OR5D16: variants seen among roughly 807,000 people sequenced by gnomAD.
OR5D16 encodes the protein olfactory receptor 5D16.
For missense variants in OR5D16, 477 were observed against 385.5 expected (o/e 1.24, Z -1.99); for synonymous variants, 185 against 153.2 (o/e 1.21, Z -1.53).
In OR5D16 at chr11:55,838,775, G is replaced by A. The variant is rs755941347; in HGVS notation, c.24G>A (p.Thr8=). Residue 8 remains threonine (T), a synonymous_variant, in exon 1 of 1, where the codon ACG becomes ACA. Transcript: ENST00000378396. MFLTERN[T]TSEATFTLLG... ...ACATGTTTCTGACAGAGAGAAATAC[G>A]ACATCTGAGGCCACATTCACTCTCT... is the stretch of plus-strand genomic sequence containing the variant. The A allele has an allele frequency of 6.2e-6, 10 of 1,609,856 alleles. No individual in the cohort carries two copies. The highest frequency in any genetic ancestry group is 1.7e-4 in the Middle Eastern group (1 of 6,018).
chr11:55,838,794 A>C lies in OR5D16; in HGVS notation c.43A>C (p.Thr15Pro), dbSNP rs368957685. The C allele has an allele frequency of 6.2e-7, 1 of 1,612,820 alleles. No homozygotes were observed. The highest frequency in any genetic ancestry group is 8.5e-7 in the Non-Finnish European group (1 of 1,179,566). The change falls in exon 1 of 1, where the codon ACT (threonine) becomes CCT (proline). Residue 15 changes from threonine to proline, a missense_variant. Transcript: ENST00000378396. Reference protein sequence around the residue: ...ERNTTSEATFTLLGFSDYLEL... With the variant: ...ERNTTSEATFPLLGFSDYLEL... ...AAATACGACATCTGAGGCCACATTCACTCTCTTGGGCTTCTCAGATTACCT... is the reference window on the plus strand; with the variant it reads ...AAATACGACATCTGAGGCCACATTCCCTCTCTTGGGCTTCTCAGATTACCT...
In OR5D16 at chr11:55,838,802, G is replaced by A; in HGVS notation, c.51G>A (p.Leu17=). ...CATCTGAGGCCACATTCACTCTCTT[G>A]GGCTTCTCAGATTACCTGGAACTGC... ...NTTSEATFTL[L]GFSDYLELQI... Residue 17 remains leucine, a synonymous_variant, in exon 1 of 1, where the codon TTG becomes TTA. Coordinates refer to ENST00000378396, the MANE Select transcript of OR5D16 (RefSeq NM_001005496.1). 1 of 1,613,552 alleles carries A rather than the reference G, an allele frequency of 6.2e-7. No individual in the cohort carries two copies. The highest frequency in any genetic ancestry group is 8.5e-7 in the Non-Finnish European group (1 of 1,179,576).
chr11:55,839,312 A>T lies in OR5D16; in HGVS notation c.561A>T (p.Ile187=), dbSNP rs1029446616. 6.2e-7 allele frequency: 1 copy of T among 1,613,852 alleles called. No individual in the cohort carries two copies. The highest frequency in any genetic ancestry group is 1.7e-5 in the Admixed American group (1 of 59,986). Residue 187 remains isoleucine (I), a synonymous_variant, in exon 1 of 1, where the codon ATA becomes ATT. Transcript: ENST00000378396. The part of the protein sequence containing the change: ...NHFFCELSSL[I]SLSYPDSYLS... ...TCTTCTGTGAGTTATCCTCCCTGAT[A>T]TCACTCTCTTACCCTGACTCTTATC...
rs764756860 is a variant in OR5D16, at chr11:55,839,390, A to G, written c.639A>G (p.Leu213=). The change falls in exon 1 of 1, where the codon CTA becomes CTG. Residue 213 remains leucine, a synonymous_variant. Coordinates refer to ENST00000378396, the MANE Select transcript of OR5D16 (RefSeq NM_001005496.1). ...TVATFNEIST[L]LIILTSYAFI... is the part of the protein sequence containing the mutation. Reference sequence around the variant, plus strand: ...CCACTTTTAATGAGATAAGCACACTACTCATCATTCTGACATCTTATGCAT... The same window carrying G: ...CCACTTTTAATGAGATAAGCACACTGCTCATCATTCTGACATCTTATGCAT... 9 of 1,613,802 alleles carry G rather than the reference A, an allele frequency of 5.6e-6. No homozygotes were observed. In the African/African-American group the frequency reaches 1.1e-4, roughly 19 times the overall value.
chr11:55,839,706 T>A lies in OR5D16; in HGVS notation c.955T>A (p.Trp319Arg), dbSNP rs1348698352. Residue 319 changes from tryptophan (W) to arginine (R), a missense_variant, in exon 1 of 1, where the codon TGG (tryptophan) becomes AGG (arginine). By Grantham distance (101) the Trp-to-Arg change is moderately radical (BLOSUM62 -3). Transcript: ENST00000378396. The stretch of plus-strand genomic sequence containing the variant: ...ATATTTTCATATTAAACATAGGCAT[T>A]GGTATCCATTTAATTTTGTTATTGA... ...TKYFHIKHRHWYPFNFVIEQ is the reference protein window; with the variant it reads ...TKYFHIKHRHRYPFNFVIEQ The A allele has an allele frequency of 1.1e-5, 17 of 1,591,248 alleles. No individual in the cohort carries two copies. The highest frequency in any genetic ancestry group is 1.5e-5 in the Non-Finnish European group (17 of 1,162,166).
rs1466803973 is a variant in OR5D16, at chr11:55,839,520, A to C, written c.769A>C (p.Ile257Leu). 1 of 1,613,910 alleles carries C rather than the reference A, an allele frequency of 6.2e-7. No individual in the cohort carries two copies. Among genetic ancestry groups the C allele is most frequent in the Non-Finnish European group, 8.5e-7 (1 of 1,179,980 alleles). Residue 257 changes from isoleucine (I) to leucine (L), a missense_variant, in exon 1 of 1, where the codon ATC (isoleucine) becomes CTC (leucine). Ile to Leu is a conservative substitution (Grantham distance 5). Coordinates refer to ENST00000378396, the MANE Select transcript of OR5D16 (RefSeq NM_001005496.1). ...TGCCATCACCATCTTCCATGGCACC[A>C]TCCTCTTCCTCTACTGTGTACCCAA... ...LTAITIFHGTILFLYCVPNSK... is the reference protein window; with the variant it reads ...LTAITIFHGTLLFLYCVPNSK...
In OR5D16 at chr11:55,839,058, T is replaced by C; in HGVS notation, c.307T>C (p.Phe103Leu). The change falls in exon 1 of 1, where the codon TTC becomes CTC. Residue 103 changes from phenylalanine (F) to leucine (L), a missense_variant. Coordinates refer to ENST00000378396, the MANE Select transcript of OR5D16 (RefSeq NM_001005496.1). Reference sequence around the variant, plus strand: ...TTCATTCTCAGGATGTTTGGTGCAATTCTTTTTCTTTTGCACCTTTGTAGT... The same window carrying C: ...TTCATTCTCAGGATGTTTGGTGCAACTCTTTTTCTTTTGCACCTTTGTAGT... ...TISFSGCLVQ[F>L]FFFCTFVVTE... 5 of 1,614,006 alleles carry C rather than the reference T, an allele frequency of 3.1e-6. No individual in the cohort carries two copies. The highest frequency in any genetic ancestry group is 3.4e-6 in the Non-Finnish European group (4 of 1,179,916).
rs1854057446 is a variant in OR5D16 at position 55,839,264 on chromosome 11, T to C, written c.513T>C (p.His171=). 6.2e-7 allele frequency: 1 copy of C among 1,614,036 alleles called. No individual in the cohort carries two copies. The highest frequency in any genetic ancestry group is 8.5e-7 in the Non-Finnish European group (1 of 1,179,974). The part of the protein sequence containing the change: ...LACSALKLSF[H]GFNTINHFFC... ...GCTCTGCTTTAAAGTTATCTTTTCA[T>C]GGTTTCAACACAATCAATCATTTCT... Residue 171 remains histidine, a synonymous_variant, in exon 1 of 1, where the codon CAT becomes CAC. Transcript: ENST00000378396.
rs756913651 is a variant in OR5D16 at position 55,839,228 on chromosome 11, G to T, written c.477G>T (p.Leu159=). ...ATGCATGGGGAGTCGCATGTTCCCT[G>T]ACACTCGCGTGCTCTGCTTTAAAGT... ...VLYAWGVACS[L]TLACSALKLS... Residue 159 remains leucine, a synonymous_variant, in exon 1 of 1, where the codon CTG becomes CTT. Transcript: ENST00000378396. 1.2e-6 allele frequency: 2 copies of T among 1,613,946 alleles called. No homozygotes were observed. Among genetic ancestry groups the T allele is most frequent in the Admixed American group, 1.7e-5 (1 of 59,968 alleles).
Position 55,839,513 on chromosome 11 carries a change from T to C in OR5D16, c.762T>C (p.His254=), listed in dbSNP as rs1330338684. Residue 254 remains histidine, a synonymous_variant, in exon 1 of 1, where the codon CAT becomes CAC. Transcript: ENST00000378396. ...ACCTGACTGCCATCACCATCTTCCA[T>C]GGCACCATCCTCTTCCTCTACTGTG... ...ASHLTAITIF[H]GTILFLYCVP... is the part of the protein sequence containing the mutation. 2 of 1,613,944 alleles carry C rather than the reference T, an allele frequency of 1.2e-6. No homozygotes were observed. Among genetic ancestry groups the C allele is most frequent in the Admixed American group, 3.3e-5 (2 of 59,964 alleles).
Position 55,839,494 on chromosome 11 carries a change from C to T in OR5D16, c.743C>T (p.Thr248Ile). ...TTCTCCACCTGTGCCTCCCACCTGACTGCCATCACCATCTTCCATGGCACC... is the reference window on the plus strand; with the variant it reads ...TTCTCCACCTGTGCCTCCCACCTGATTGCCATCACCATCTTCCATGGCACC... ...KVFSTCASHL[T>I]AITIFHGTIL... Residue 248 changes from threonine to isoleucine, a missense_variant, in exon 1 of 1, where the codon ACT (threonine) becomes ATT (isoleucine). Coordinates refer to ENST00000378396, the MANE Select transcript of OR5D16 (RefSeq NM_001005496.1). 2 of 1,614,080 alleles carry T rather than the reference C, an allele frequency of 1.2e-6. No individual in the cohort carries two copies. Among genetic ancestry groups the T allele is most frequent in the South Asian group, 2.2e-5 (2 of 91,086 alleles).
At position 55,839,308 on chromosome 11, in the gene OR5D16, T is replaced by A; in HGVS notation, c.557T>A (p.Leu186Gln). 1 of 1,613,652 alleles carries A rather than the reference T, an allele frequency of 6.2e-7. No homozygotes were observed. Among genetic ancestry groups the A allele is most frequent in the Non-Finnish European group, 8.5e-7 (1 of 1,179,608 alleles). Residue 186 changes from leucine (L) to glutamine (Q), a missense_variant, in exon 1 of 1, where the codon CTG (leucine) becomes CAG (glutamine). By Grantham distance (113) the Leu-to-Gln change is moderately radical. Transcript: ENST00000378396. ...INHFFCELSS[L>Q]ISLSYPDSYL... ...CATTTCTTCTGTGAGTTATCCTCCCTGATATCACTCTCTTACCCTGACTCT... is the reference window on the plus strand; with the variant it reads ...CATTTCTTCTGTGAGTTATCCTCCCAGATATCACTCTCTTACCCTGACTCT...
In OR5D16 at chr11:55,839,454, G is replaced by A. The variant is rs1854064131; in HGVS notation, c.703G>A (p.Gly235Arg). Reference sequence around the variant, plus strand: ...CACCTTGAAGATGCCTTCAGCCAGTGGGCACCGCAAAGTCTTCTCCACCTG... The same window carrying A: ...CACCTTGAAGATGCCTTCAGCCAGTAGGCACCGCAAAGTCTTCTCCACCTG... ...VTTLKMPSAS[G>R]HRKVFSTCAS... The change falls in exon 1 of 1, where the codon GGG becomes AGG. Residue 235 changes from glycine (G) to arginine (R), a missense_variant. By Grantham distance (125) the Gly-to-Arg change is moderately radical. Transcript: ENST00000378396. The A allele has an allele frequency of 1.9e-6, 3 of 1,613,956 alleles. No homozygotes were observed. Among genetic ancestry groups the A allele is most frequent in the Non-Finnish European group, 2.5e-6 (3 of 1,179,958 alleles).
Position 55,838,936 on chromosome 11 carries a change from A to G in OR5D16, c.185A>G (p.Tyr62Cys), listed in dbSNP as rs1565126282. 2 of 1,613,752 alleles carry G rather than the reference A, an allele frequency of 1.2e-6. No homozygotes were observed. The highest frequency in any genetic ancestry group is 1.6e-4 in the Middle Eastern group (1 of 6,062). ...AACCCAAAATTGCATACCCCCATGTATTTTTTCCTCAACCACCTCTCCTTT... is the reference window on the plus strand; with the variant it reads ...AACCCAAAATTGCATACCCCCATGTGTTTTTTCCTCAACCACCTCTCCTTT... ...KINPKLHTPM[Y>C]FFLNHLSFVD... Residue 62 changes from tyrosine to cysteine, a missense_variant, in exon 1 of 1, where the codon TAT becomes TGT. Physicochemically the swap from Tyr to Cys is radical, Grantham distance 194 (BLOSUM62 -2). Coordinates refer to ENST00000378396, the MANE Select transcript of OR5D16 (RefSeq NM_001005496.1).
rs754347100 is a variant in OR5D16 at position 55,839,473 on chromosome 11, C to G, written c.722C>G (p.Ser241Cys). 59 of 1,613,922 alleles carry G rather than the reference C, an allele frequency of 3.7e-5. No individual in the cohort carries two copies. In the South Asian group the frequency reaches 5.9e-4, roughly 16 times the overall value. The change falls in exon 1 of 1, where the codon TCC (serine) becomes TGC (cysteine). Residue 241 changes from serine to cysteine, a missense_variant. Transcript: ENST00000378396. ...PSASGHRKVF[S>C]TCASHLTAIT... ...GCCAGTGGGCACCGCAAAGTCTTCT[C>G]CACCTGTGCCTCCCACCTGACTGCC...
Position 55,839,471 on chromosome 11 carries a change from C to T in OR5D16, c.720C>T (p.Phe240=), listed in dbSNP as rs1854064894. Residue 240 remains phenylalanine (F), a synonymous_variant, in exon 1 of 1, where the codon TTC becomes TTT. Transcript: ENST00000378396. The part of the protein sequence containing the change: ...MPSASGHRKV[F]STCASHLTAI... Reference sequence around the variant, plus strand: ...CAGCCAGTGGGCACCGCAAAGTCTTCTCCACCTGTGCCTCCCACCTGACTG... The same window carrying T: ...CAGCCAGTGGGCACCGCAAAGTCTTTTCCACCTGTGCCTCCCACCTGACTG... 1.9e-6 allele frequency: 3 copies of T among 1,614,084 alleles called. No individual in the cohort carries two copies. Among genetic ancestry groups the T allele is most frequent in the Non-Finnish European group, 1.7e-6 (2 of 1,179,986 alleles).
Position 55,839,165 on chromosome 11 carries a change from C to G in OR5D16, c.414C>G (p.Ile138Met), listed in dbSNP as rs747455484. 12 of 1,614,068 alleles carry G rather than the reference C, an allele frequency of 7.4e-6. 1 individual carries two copies. The South Asian group carries it at 1.2e-4, about 16-fold the overall frequency. ...ATCCTCTGCTCTACACAGTTGCCAT[C>G]TCCCAGAAACTCTGTGCCATGCTGG... ...ICNPLLYTVA[I>M]SQKLCAMLVV... Residue 138 changes from isoleucine to methionine, a missense_variant, in exon 1 of 1, where the codon ATC becomes ATG. By Grantham distance (10) the Ile-to-Met change is conservative. Transcript: ENST00000378396.
In OR5D16 at chr11:55,839,469, T is replaced by C. The variant is rs866606269; in HGVS notation, c.718T>C (p.Phe240Leu). 6.2e-7 allele frequency: 1 copy of C among 1,614,030 alleles called. No individual in the cohort carries two copies. The highest frequency in any genetic ancestry group is 1.1e-5 in the South Asian group (1 of 91,084). Residue 240 changes from phenylalanine (F) to leucine (L), a missense_variant, in exon 1 of 1, where the codon TTC (phenylalanine) becomes CTC (leucine). Transcript: ENST00000378396. Reference sequence around the variant, plus strand: ...TTCAGCCAGTGGGCACCGCAAAGTCTTCTCCACCTGTGCCTCCCACCTGAC... The same window carrying C: ...TTCAGCCAGTGGGCACCGCAAAGTCCTCTCCACCTGTGCCTCCCACCTGAC... ...MPSASGHRKV[F>L]STCASHLTAI...
In OR5D16 at chr11:55,839,342, C is replaced by T. The variant is rs11231253; in HGVS notation, c.591C>T (p.Ser197=). The change falls in exon 1 of 1, where the codon AGC becomes AGT. Residue 197 remains serine (S), a synonymous_variant. Coordinates refer to ENST00000378396, the MANE Select transcript of OR5D16 (RefSeq NM_001005496.1). ...TCTCTTACCCTGACTCTTATCTCAGCCAGTTGCTTCTTTTCACTGTTGCCA... is the reference window on the plus strand; with the variant it reads ...TCTCTTACCCTGACTCTTATCTCAGTCAGTTGCTTCTTTTCACTGTTGCCA... ...ISLSYPDSYL[S]QLLLFTVATF... is the part of the protein sequence containing the mutation. 621,899 of 1,612,794 alleles carry T rather than the reference C, an allele frequency of 0.39. 124,285 individuals carry two copies. The highest frequency in any genetic ancestry group is 0.62 in the East Asian group (27,979 of 44,858).
Sources: gnomAD v4.1 joint callset for allele counts on GRCh38, gnomAD v4.1.1 for gene constraint, MANE v1.5 for transcripts, NCBI Gene and HGNC (gene_info 2026-07-23, HGNC 2026-07-21) for gene names.